The following ARHGEF18 variants were observed in gnomAD, a reference collection of about 807,000 sequenced individuals.
The protein encoded by ARHGEF18 is rho guanine nucleotide exchange factor 18.
Under a neutral mutation model 155.7 loss-of-function variants are expected in ARHGEF18, and 93 were observed. The observed-to-expected ratio is 0.60, with a 90% CI of 0.50 to 0.71. ARHGEF18 has a LOEUF of 0.71. Among genes scored for constraint, ARHGEF18 ranks in the 30% least tolerant of loss-of-function variants. The pLI, the probability that ARHGEF18 is intolerant of heterozygous loss-of-function variation, is 0.00. For missense variants in ARHGEF18, 1,593 were observed against 1,816.1 expected, an observed-to-expected ratio of 0.88 and a Z score of 2.23; for synonymous variants, 742 against 753.1, an observed-to-expected ratio of 0.99 and a Z score of 0.24.
rs540653336 is a variant in ARHGEF18 at position 7,419,822 on chromosome 19, A to G, written c.968-20522A>G. 5.9e-5 allele frequency among the ~76,000 whole-genome samples: 9 copies of G among 151,802 alleles called. No individual in the cohort carries two copies. The East Asian group carries it at 9.8e-4, about 16-fold the overall frequency. On this transcript the variant is annotated intron_variant, in intron 10 of 28. Coordinates refer to ENST00000668164, the MANE Select transcript of ARHGEF18 (RefSeq NM_001367823.1). The stretch of plus-strand genomic sequence containing the variant: ...TGCAGGTGGCCCTTACCTCTTCTTC[A>G]TCTGTGTTTTGAATACACACCCTCC...
intron 10 of ARHGEF18, among the ~76,000 whole-genome samples, chr19:7,437,418 G>A (rs1444016657): frequency 3.4e-4 from 38 of 111,600 alleles, no homozygotes; most frequent in African/African-American, 1.2e-3. Flanking sequence ...GCGGAAATCC[G>A]TCTCAAAAAA....
chr19:7,473,764 T>C (rs867965281), downstream of ARHGEF18, among the ~76,000 whole-genome samples: 70 of 137,734 alleles, frequency 5.1e-4, no homozygotes, highest in Middle Eastern at 0.014. Context: ...GAGCCGAGAT[T>C]GCGCCACTGC....
chr19:7,469,967 C>T lies in ARHGEF18; in HGVS notation c.3851C>T (p.Ser1284Leu). ...NKLMGKDEST[S>L]RNRRSLSPIL... ...CTCATGGGGAAAGATGAGAGCACCTCACGGAACCGCCGCTCGCTGAGCCCT... is the reference window on the plus strand; with the variant it reads ...CTCATGGGGAAAGATGAGAGCACCTTACGGAACCGCCGCTCGCTGAGCCCT... The change falls in exon 28 of 29, where the codon TCA (serine) becomes TTA (leucine). Residue 1284 changes from serine to leucine, a missense_variant. Ser to Leu is a moderately radical substitution (Grantham distance 145). Transcript: ENST00000668164. 6.2e-7 allele frequency: 1 copy of T among 1,613,172 alleles called. No homozygotes were observed. Among genetic ancestry groups the T allele is most frequent in the Non-Finnish European group, 8.5e-7 (1 of 1,179,924 alleles).
chr19:7,450,130 C>T (rs553531471), intron 15 of ARHGEF18, among the ~76,000 whole-genome samples: 59 of 152,152 alleles, frequency 3.9e-4, no homozygotes, highest in Admixed American at 1.4e-3. Context: ...GGGCAGAAAC[C>T]GAGATGTTAA....
At chr19:7,429,818 G>C (rs1367614019) in intron 10 of ARHGEF18, among the ~76,000 whole-genome samples, 1 of 152,164 alleles carries the variant, frequency 6.6e-6, no homozygotes, top group Non-Finnish European at 1.5e-5. Flanking sequence ...CGGAGAGGGT[G>C]CTGTCTCCTG....
chr19:7,477,611 C>A, the ARHGEF18 span, among the ~76,000 whole-genome samples: 30 of 152,326 alleles, frequency 2.0e-4, 1 homozygote, highest in South Asian at 6.2e-4. Context: ...CCATCACCCC[C>A]CCGACCCAAG....
intron 16 of ARHGEF18, 31 bp from the exon 17 acceptor site, chr19:7,453,436 A>G (rs770054705): frequency 1.3e-6 from 2 of 1,558,430 alleles, no homozygotes; most frequent in Admixed American, 3.8e-5. Flanking sequence ...AAAGTGGAAA[A>G]GAAAGACGCT....
At chr19:7,358,155 A>G (rs551907810) in intron 1 of ARHGEF18, among the ~76,000 whole-genome samples, 2,946 of 57,086 alleles carry the variant, frequency 0.052, 86 homozygotes, top group African/African-American at 0.14. Context: ...TCAACCATCC[A>G]TCCTTCCATC....
At chr19:7,378,284 G>A (rs1015631786) in intron 5 of ARHGEF18, 110 bp from the exon 6 acceptor site, 148 of 744,062 alleles carry the variant, frequency 2.0e-4, no homozygotes, top group Admixed American at 9.1e-4. Context: ...TGTCTGCATG[G>A]CCTCCAGTTC....
intron 10 of ARHGEF18, among the ~76,000 whole-genome samples, chr19:7,391,120 C>G (rs1046734287): frequency 1.3e-5 from 2 of 152,128 alleles, no homozygotes; most frequent in African/African-American, 4.8e-5. Flanking sequence ...CCCCTCCCCA[C>G]CTGTGTCAGG....
intron 10 of ARHGEF18, among the ~76,000 whole-genome samples, chr19:7,393,567 G>A (rs1014218268): frequency 6.6e-5 from 10 of 151,960 alleles, no homozygotes; most frequent in African/African-American, 1.5e-4. Context: ...TGTTCTGCTC[G>A]ACTCCTGGTT....
In ARHGEF18 at chr19:7,371,894, A is replaced by G. The variant is rs117283122; in HGVS notation, c.16-918A>G. On this transcript the variant is annotated intron_variant, in intron 2 of 28. Coordinates refer to ENST00000668164, the MANE Select transcript of ARHGEF18 (RefSeq NM_001367823.1). Reference sequence around the variant, plus strand: ...CTGGAATAAAAAGAAGGGAGGGGCCAAATCTATAAAGACATCAACATGGGT... The same window carrying G: ...CTGGAATAAAAAGAAGGGAGGGGCCGAATCTATAAAGACATCAACATGGGT... Among the ~76,000 whole-genome samples the G allele has an allele frequency of 4.0e-3, 609 of 152,162 alleles. 9 individuals carry two copies. The highest frequency in any genetic ancestry group is 0.019 in the East Asian group (99 of 5,182).
chr19:7,393,047 CAAAAAAAAAAAAA>C (rs60015151), intron 10 of ARHGEF18, among the ~76,000 whole-genome samples: 4 of 56,676 alleles, frequency 7.1e-5, no homozygotes, highest in South Asian at 5.7e-4. Context: ...GATCCTGTCT[CAAAAAAAAAAAAA>C]AAAAAAAAAA....
intron 19 of ARHGEF18, among the ~76,000 whole-genome samples, chr19:7,459,000 G>A (rs1474885924): frequency 1.3e-5 from 2 of 152,114 alleles, no homozygotes. Context: ...TCCTTGGGCC[G>A]AGCACCCCTC....
chr19:7,473,243 C>A (rs1197000614), downstream of ARHGEF18: 2 of 456,018 alleles, frequency 4.4e-6, no homozygotes, highest in African/African-American at 4.0e-5. Context: ...CACAAGGGGA[C>A]TAGGTGTAAA....
chr19:7,453,214 C>A (rs73921432), intron 16 of ARHGEF18, among the ~76,000 whole-genome samples: 6,004 of 150,630 alleles, frequency 0.04, 379 homozygotes, highest in African/African-American at 0.14. Flanking sequence ...CTCCCCCCCC[C>A]AAAAAAAACC....
intron 10 of ARHGEF18, among the ~76,000 whole-genome samples, chr19:7,409,690 C>A (rs1156344262): frequency 6.6e-6 from 1 of 151,936 alleles, no homozygotes; most frequent in Non-Finnish European, 1.5e-5. Context: ...CCAAGGCCCA[C>A]CTCGGCCTCC....
In ARHGEF18 at chr19:7,464,679, T is replaced by C; in HGVS notation, c.2893T>C (p.Ser965Pro). The C allele has an allele frequency of 6.2e-7, 1 of 1,613,988 alleles. No individual in the cohort carries two copies. The highest frequency in any genetic ancestry group is 1.1e-5 in the South Asian group (1 of 91,082). ...DSDIPGSSEE[S>P]PQVVEAPGTE... ...TGACATTCCTGGGAGCTCTGAGGAA[T>C]CGCCGCAGGTGGTACGTGGATATCC... The change falls in exon 23 of 29, where the codon TCG becomes CCG. Residue 965 changes from serine (S) to proline (P), a missense_variant. Transcript: ENST00000668164.
intron 10 of ARHGEF18, among the ~76,000 whole-genome samples, chr19:7,431,601 A>G (rs1486572222): frequency 1.3e-5 from 2 of 151,038 alleles, no homozygotes; most frequent in Non-Finnish European, 2.9e-5. Flanking sequence ...GGATCACCTG[A>G]GGTCGGGAGT....
Sources: gnomAD v4.1 joint callset for allele counts (sites outside exome capture counted in the v4.1 genomes callset) on GRCh38, gnomAD v4.1.1 for gene constraint, MANE v1.5 for transcripts, NCBI Gene and HGNC (gene_info 2026-07-23, HGNC 2026-07-21) for gene names.